C1QTNF8: variants seen among roughly 807,000 people sequenced by gnomAD.
C1QTNF8 encodes complement C1q tumor necrosis factor-related protein 8.
Under a neutral mutation model 19.2 loss-of-function variants are expected in C1QTNF8, and 27 were observed. That is an observed-to-expected ratio of 1.41 (90% CI 1.04 to 1.94). C1QTNF8 has a LOEUF of 1.94. Among genes scored for constraint, C1QTNF8 ranks in the 30% most tolerant of loss-of-function variants. C1QTNF8 has a pLI of 0.00. For synonymous variants in C1QTNF8, 208 were observed against 172.8 expected (o/e 1.20, Z -1.60); for missense variants, 484 against 374.4 (o/e 1.29, Z -2.42).
chr16:1,093,471 C>CA (rs1960606199), intron 4 of C1QTNF8, 26 bp downstream of exon 4: 2 of 1,470,178 alleles, frequency 1.4e-6, no homozygotes, highest in African/African-American at 2.9e-5. Context: ...CGCGCGCGCC[C>CA]GGTGCTCAGC....
intron 4 of C1QTNF8, among the ~76,000 whole-genome samples, chr16:1,093,186 G>A (rs1400117187): frequency 1.4e-5 from 2 of 145,038 alleles, no homozygotes; most frequent in East Asian, 4.2e-4. Context: ...CACACAGTCG[G>A]CGCTCAACCA....
Position 1,089,324 on chromosome 16 carries a change from C to A in C1QTNF8, c.*1275G>T, listed in dbSNP as rs575903792. ...CCCCCCACCTCTGGTTCTTCAAGCACCTGCCACACTTGACCCCAACAGGCT... is the reference window on the plus strand; with the variant it reads ...CCCCCCACCTCTGGTTCTTCAAGCAACTGCCACACTTGACCCCAACAGGCT... On this transcript the variant is annotated 3_prime_UTR_variant, in exon 5 of 5. Coordinates refer to ENST00000328449, the MANE Select transcript of C1QTNF8 (RefSeq NM_207419.3). Among the ~76,000 whole-genome samples the A allele has an allele frequency of 1.3e-5, 2 of 152,100 alleles. No individual in the cohort carries two copies. The highest frequency in any genetic ancestry group is 2.9e-5 in the Non-Finnish European group (2 of 67,998).
At chr16:1,094,674 T>C in intron 3 of C1QTNF8, 41 bp downstream of exon 3, 3 of 1,554,544 alleles carry the variant, frequency 1.9e-6, no homozygotes, top group Non-Finnish European at 2.6e-6. Context: ...GGCTGTTGGG[T>C]CCTGGTGGGG....
rs144257076 is a variant in C1QTNF8 at position 1,093,593 on chromosome 16, G to A, written c.667C>T (p.Gln223Ter). The A allele has an allele frequency of 3.6e-5, 58 of 1,602,046 alleles. No individual in the cohort carries two copies. The African/African-American group carries it at 5.1e-4, about 14-fold the overall frequency. The part of the protein sequence containing the change: ...AGDAVWVRMF[Q>*]RDRDNAIYGE... ...TAGATGGCGTTGTCCCGGTCGCGCT[G>A]GAACATGCGCACCCAGACGGCGTCG... Residue 223 changes from glutamine to a stop codon, truncating the protein, a stop_gained, in exon 4 of 5, where the codon CAG (glutamine) becomes TAG (stop). Transcript: ENST00000328449. LOFTEE classifies it high-confidence loss of function.
At position 1,094,722 on chromosome 16, in the gene C1QTNF8, G is replaced by A. The variant is rs766784098; in HGVS notation, c.201C>T (p.Ile67=). Residue 67 remains isoleucine (I), a synonymous_variant, in exon 3 of 5, where the codon ATC becomes ATT. Transcript: ENST00000328449. ...AGCACCCACGGGCCTCACCTTTGAG[G>A]ATTTCGATGTCTATAGTGGGCCGTA... The part of the protein sequence containing the change: ...PRVRPTIDIE[I]LKGEKGEAGV... The A allele has an allele frequency of 5.6e-6, 9 of 1,592,922 alleles. No individual in the cohort carries two copies. Among genetic ancestry groups the A allele is most frequent in the Middle Eastern group, 1.7e-4 (1 of 5,976 alleles).
rs769766393 is a variant in C1QTNF8 at position 1,093,953 on chromosome 16, C to A, written c.307G>T (p.Gly103Trp). Residue 103 changes from glycine to tryptophan, a missense_variant, in exon 4 of 5, where the codon GGG (glycine) becomes TGG (tryptophan). By Grantham distance (184) the Gly-to-Trp change is radical. Coordinates refer to ENST00000328449, the MANE Select transcript of C1QTNF8 (RefSeq NM_207419.3). ...GCGGCGCCCGGCGGCCCCACCTGCC[C>A]CTTCTGGCCTCTGCGGCCCTGCAGG... ...RGLQGRRGQK[G>W]QVGPPGAACR... The A allele has an allele frequency of 1.5e-5, 22 of 1,488,188 alleles. No homozygotes were observed. In the Middle Eastern group the frequency reaches 6.0e-4, roughly 40 times the overall value. The allele number at this position is 1,488,188 out of a possible 1,614,324, so 92.2% of individuals were successfully genotyped here.
rs747601640 is a variant in C1QTNF8, at chr16:1,093,566, C to CGTAGATGG, written c.686_693dup (p.Gly232ProfsTer238). The CGTAGATGG allele has an allele frequency of 8.4e-5, 134 of 1,593,594 alleles. No homozygotes were observed. The highest frequency in any genetic ancestry group is 9.3e-5 in the Non-Finnish European group (109 of 1,169,140). Reference sequence around the variant, plus strand: ...GTGATGTAGAGGTCTCCGTGCTCGCCGTAGATGGCGTTGTCCCGGTCGCGC... The same window carrying CGTAGATGG: ...GTGATGTAGAGGTCTCCGTGCTCGCCGTAGATGGGTAGATGGCGTTGTCCCGGTCGCGC... On this transcript the variant is annotated frameshift_variant, in exon 4 of 5. Transcript: ENST00000328449. LOFTEE classifies it high-confidence loss of function.
Position 1,089,422 on chromosome 16 carries a change from C to T in C1QTNF8, c.*1177G>A, listed in dbSNP as rs1446524056. ...TCCTCCGGGGCCTGGACACCAAGGG[C>T]TCGGCTCTGGGCAGTGCCCACTTGG... On this transcript the variant is annotated 3_prime_UTR_variant, in exon 5 of 5. Transcript: ENST00000328449. 6.6e-6 allele frequency among the ~76,000 whole-genome samples: 1 copy of T among 152,210 alleles called. No homozygotes were observed. The highest frequency in any genetic ancestry group is 1.5e-5 in the Non-Finnish European group (1 of 68,026).
chr16:1,091,085 C>A (rs1960534633), intron 4 of C1QTNF8, among the ~76,000 whole-genome samples: 1 of 152,122 alleles, frequency 6.6e-6, no homozygotes, highest in African/African-American at 2.4e-5. Context: ...GCAGGGCAGG[C>A]CCTAAAGAGG....
In C1QTNF8 at chr16:1,090,499, G is replaced by A. The variant is rs1156276209; in HGVS notation, c.*100C>T. 1 of 152,298 alleles carries A rather than the reference G, an allele frequency of 6.6e-6. No homozygotes were observed. Among genetic ancestry groups the A allele is most frequent in the African/African-American group, 2.4e-5 (1 of 41,454 alleles). The allele number at this position is 152,298 out of a possible 1,614,324, so 9.4% of individuals were successfully genotyped here. A position where few individuals can be genotyped will look rare whatever the true frequency, so the allele number is the denominator to read the frequency against. On this transcript the variant is annotated 3_prime_UTR_variant, in exon 5 of 5. Transcript: ENST00000328449. The stretch of plus-strand genomic sequence containing the variant: ...GGGCCTCAGAGCACCATCTCCCAAG[G>A]GCAGGGCACCCTCTGTCCCAGGACA...
At chr16:1,094,562 C>A in intron 3 of C1QTNF8, 153 bp downstream of exon 3, 1 of 550,106 alleles carries the variant, frequency 1.8e-6, no homozygotes. Flanking sequence ...CGGGGGGAGC[C>A]CAGGGGTCCC....
At chr16:1,093,370 G>GGCCCCCCCCCC in intron 4 of C1QTNF8, 127 bp downstream of exon 4, 18 of 417,556 alleles carry the variant, frequency 4.3e-5, no homozygotes, top group Middle Eastern at 7.1e-4. Context: ...AAGCTCCGCT[G>GGCCCCCCCCCC]CCCGCCCACC....
Position 1,094,601 on chromosome 16 carries a change from C to T in C1QTNF8, c.208+114G>A, listed in dbSNP as rs1960644441. 3.0e-5 allele frequency: 24 copies of T among 799,374 alleles called. 1 individual carries two copies. The East Asian group carries it at 7.5e-4, about 25-fold the overall frequency. The allele number at this position is 799,374 out of a possible 1,614,324, so 49.5% of individuals were successfully genotyped here. A position where few individuals can be genotyped will look rare whatever the true frequency, so the allele number is the denominator to read the frequency against. The stretch of plus-strand genomic sequence containing the variant: ...GCAGGGAGCGCTGCCAGGGCAGACA[C>T]TGGTGCTCAGCGTGCCCCTCCCGCC... On this transcript the variant is annotated intron_variant, in intron 3 of 4. Coordinates refer to ENST00000328449, the MANE Select transcript of C1QTNF8 (RefSeq NM_207419.3).
At position 1,088,421 on chromosome 16, in the gene C1QTNF8, G is replaced by A. The variant is rs777753621; in HGVS notation, c.*2178C>T. 2.0e-5 allele frequency among the ~76,000 whole-genome samples: 3 copies of A among 152,186 alleles called. No individual in the cohort carries two copies. Among genetic ancestry groups the A allele is most frequent in the African/African-American group, 2.4e-5 (1 of 41,442 alleles). On this transcript the variant is annotated 3_prime_UTR_variant, in exon 5 of 5. Coordinates refer to ENST00000328449, the MANE Select transcript of C1QTNF8 (RefSeq NM_207419.3). ...GGCCGACCACGGGGGTGCCCGGTGC[G>A]GTTCTGATGGGGTGGCTCCCCCTTG...
Position 1,093,525 on chromosome 16 carries a change from C to T in C1QTNF8, c.735G>A (p.Leu245=). Residue 245 remains leucine, a synonymous_variant, in exon 4 of 5, where the codon CTG becomes CTA. Coordinates refer to ENST00000328449, the MANE Select transcript of C1QTNF8 (RefSeq NM_207419.3). ...GDLYITFSGH[L]VKPAAEL ...GCTACAGCTCGGCGGCCGGCTTGAC[C>T]AGGTGGCCGCTGAAGGTGATGTAGA... is the stretch of plus-strand genomic sequence containing the variant. 1.3e-6 allele frequency: 2 copies of T among 1,549,880 alleles called. No homozygotes were observed. Among genetic ancestry groups the T allele is most frequent in the Non-Finnish European group, 1.7e-6 (2 of 1,144,754 alleles).
rs1053435785 is a variant in C1QTNF8, at chr16:1,094,106, C to T, written c.209-55G>A. 6.6e-5 allele frequency: 89 copies of T among 1,339,098 alleles called. No homozygotes were observed. The African/African-American group carries it at 7.8e-4, about 12-fold the overall frequency. 83.0% of individuals were successfully genotyped at this position (1,339,098 alleles called of 1,614,324 possible). On this transcript the variant is annotated intron_variant, in intron 3 of 4. Transcript: ENST00000328449. ...GGGGCCGGGCTGGGCAGGCCTCCCCCATTCCAGCACCCAGGCCAGGGGCTG... is the reference window on the plus strand; with the variant it reads ...GGGGCCGGGCTGGGCAGGCCTCCCCTATTCCAGCACCCAGGCCAGGGGCTG...
In C1QTNF8 at chr16:1,094,774, C is replaced by G. The variant is rs1161319346; in HGVS notation, c.149G>C (p.Gly50Ala). 1 of 1,546,792 alleles carries G rather than the reference C, an allele frequency of 6.5e-7. No individual in the cohort carries two copies. Among genetic ancestry groups the G allele is most frequent in the Non-Finnish European group, 8.7e-7 (1 of 1,148,846 alleles). Residue 50 changes from glycine (G) to alanine (A), a missense_variant, in exon 3 of 5, where the codon GGG (glycine) becomes GCG (alanine). By Grantham distance (60) the Gly-to-Ala change is moderately conservative (BLOSUM62 0). Coordinates refer to ENST00000328449, the MANE Select transcript of C1QTNF8 (RefSeq NM_207419.3). ...TCGAGGCAGCCCCCTCCACAGGTCC[C>G]CCCTCCACAGGTCCCTGTCACTCAC... is the stretch of plus-strand genomic sequence containing the variant. ...ARVSDRDLWR[G>A]DLWRGLPRVR...
intron 4 of C1QTNF8, among the ~76,000 whole-genome samples, chr16:1,092,301 G>GTCCCTGCACACAGTCGGCGCTCAATCAA (rs1567392126): frequency 2.8e-5 from 4 of 144,170 alleles, no homozygotes; most frequent in Non-Finnish European, 4.6e-5. Flanking sequence ...CACTCAATCA[G>GTCCCTGCACACAGTCGGCGCTCAATCAA]TCCCTGCACA....
chr16:1,093,691 G>C lies in C1QTNF8; in HGVS notation c.569C>G (p.Ala190Gly). 6.2e-7 allele frequency: 1 copy of C among 1,611,050 alleles called. No homozygotes were observed. The highest frequency in any genetic ancestry group is 8.5e-7 in the Non-Finnish European group (1 of 1,178,990). ...LHIMLNRRPA[A>G]VLYAQPSERS... The stretch of plus-strand genomic sequence containing the variant: ...CTCGCTGGGCTGCGCGTAGAGCACG[G>C]CCGCGGGCCGCCGGTTCAGCATGAT... The change falls in exon 4 of 5, where the codon GCC (alanine) becomes GGC (glycine). Residue 190 changes from alanine to glycine, a missense_variant. Coordinates refer to ENST00000328449, the MANE Select transcript of C1QTNF8 (RefSeq NM_207419.3).
Sources: gnomAD v4.1 joint callset for allele counts (sites outside exome capture counted in the v4.1 genomes callset) on GRCh38, gnomAD v4.1.1 for gene constraint, MANE v1.5 for transcripts, NCBI Gene and HGNC (gene_info 2026-07-23, HGNC 2026-07-21) for gene names.